The following HECW1 variants were observed in gnomAD, a reference collection of about 807,000 sequenced individuals.
The protein encoded by HECW1 is E3 ubiquitin-protein ligase HECW1.
A neutral mutation model predicts 182.3 loss-of-function variants in HECW1; 61 were observed. That is an observed-to-expected ratio of 0.33 (90% CI 0.27 to 0.41). HECW1 has a LOEUF of 0.41. Ranked by LOEUF, HECW1 falls within the 10% of genes least tolerant of loss-of-function variation. HECW1 has a pLI of 1.00. For missense variants in HECW1, 1,739 were observed against 2,108.9 expected (o/e 0.82, Z 3.44); for synonymous variants, 859 against 832.6 (o/e 1.03, Z -0.55).
At chr7:43,502,508 T>C (rs2079406124) in intron 21 of HECW1, among the ~76,000 whole-genome samples, 2 of 152,030 alleles carry the variant, frequency 1.3e-5, no homozygotes, top group Non-Finnish European at 2.9e-5. Flanking sequence ...AAAAATTTTT[T>C]TTAATTAGCC....
rs185139458 is a variant in HECW1, at chr7:43,555,221, G to A, written c.4709+431G>A. Among the ~76,000 whole-genome samples, 7 of 152,238 alleles carry A rather than the reference G, an allele frequency of 4.6e-5. No individual in the cohort carries two copies. The East Asian group carries it at 7.7e-4, about 17-fold the overall frequency. The stretch of plus-strand genomic sequence containing the variant: ...GATCATTATATATTTGTGGTGTGTC[G>A]GATTTTTCCTATCAAGTTTTAGAAC... On this transcript the variant is annotated intron_variant, in intron 29 of 29. Transcript: ENST00000395891.
intron 2 of HECW1, among the ~76,000 whole-genome samples, chr7:43,179,138 C>G (rs185070283): frequency 6.6e-6 from 1 of 152,336 alleles, no homozygotes; most frequent in Admixed American, 6.5e-5. Flanking sequence ...GTTGTTGACA[C>G]TCAAAAGGCA....
chr7:43,289,610 T>G (rs908132042), intron 3 of HECW1, among the ~76,000 whole-genome samples: 1 of 152,236 alleles, frequency 6.6e-6, no homozygotes, highest in Non-Finnish European at 1.5e-5. Flanking sequence ...ATCAGGCATA[T>G]GCCCATTGGC....
At chr7:43,205,185 G>A (rs1312276143) in intron 2 of HECW1, among the ~76,000 whole-genome samples, 2 of 151,942 alleles carry the variant, frequency 1.3e-5, no homozygotes, top group Non-Finnish European at 2.9e-5. Context: ...TTGGGTTCAA[G>A]AGATTCTCTT....
Position 43,445,235 on chromosome 7 carries a change from A to G in HECW1, c.2063A>G (p.Tyr688Cys). 1 of 1,613,206 alleles carries G rather than the reference A, an allele frequency of 6.2e-7. No individual in the cohort carries two copies. Among genetic ancestry groups the G allele is most frequent in the South Asian group, 1.1e-5 (1 of 91,052 alleles). ...CSPSCYSSSC[Y>C]STSCYSSSCY... Reference sequence around the variant, plus strand: ...CCCTCGTGCTACAGCTCCTCGTGCTACAGCACGTCCTGCTACAGCAGCTCG... The same window carrying G: ...CCCTCGTGCTACAGCTCCTCGTGCTGCAGCACGTCCTGCTACAGCAGCTCG... The change falls in exon 11 of 30, where the codon TAC becomes TGC. Residue 688 changes from tyrosine to cysteine, a missense_variant. Physicochemically the swap from Tyr to Cys is radical, Grantham distance 194. Coordinates refer to ENST00000395891, the MANE Select transcript of HECW1 (RefSeq NM_015052.5).
chr7:43,335,759 TTC>T (rs1812052905), intron 5 of HECW1, among the ~76,000 whole-genome samples: 3 of 143,094 alleles, frequency 2.1e-5, no homozygotes, highest in Non-Finnish European at 3.0e-5. Context: ...CTCTCTTTCT[TTC>T]TTTCTTTTTT....
chr7:43,244,929 G>A (rs774590372), intron 3 of HECW1, among the ~76,000 whole-genome samples: 3 of 152,220 alleles, frequency 2.0e-5, no homozygotes, highest in Admixed American at 6.5e-5. Flanking sequence ...CTTGGTACGC[G>A]TCAGCGGGCG....
chr7:43,417,434 G>C (rs940174930), intron 8 of HECW1, among the ~76,000 whole-genome samples: 1 of 152,082 alleles, frequency 6.6e-6, no homozygotes, highest in Non-Finnish European at 1.5e-5. Context: ...TTTCTAGAGT[G>C]GGCCTGGTGA....
intron 16 of HECW1, among the ~76,000 whole-genome samples, chr7:43,471,739 G>A (rs2078033728): frequency 6.6e-6 from 1 of 152,156 alleles, no homozygotes; most frequent in African/African-American, 2.4e-5. Context: ...AGGGTGATGG[G>A]CCCCATGGGT....
intron 5 of HECW1, among the ~76,000 whole-genome samples, chr7:43,334,514 C>G (rs141363464): frequency 2.0e-5 from 3 of 152,306 alleles, no homozygotes; most frequent in African/African-American, 7.2e-5. Context: ...CAACCCTTAT[C>G]CGTTGCAGCA....
chr7:43,315,832 T>C (rs567160582), intron 4 of HECW1, among the ~76,000 whole-genome samples: 1 of 152,274 alleles, frequency 6.6e-6, no homozygotes, highest in East Asian at 1.9e-4. Context: ...CCAGCCACAG[T>C]GGGAGAATCC....
At chr7:43,341,513 A>G (rs962346528) in intron 5 of HECW1, among the ~76,000 whole-genome samples, 6 of 151,720 alleles carry the variant, frequency 4.0e-5, no homozygotes, top group Non-Finnish European at 5.9e-5. Context: ...ATTACTTCAA[A>G]AAGAAGTTGC....
chr7:43,128,035 C>T (rs1301411241), intron 2 of HECW1, among the ~76,000 whole-genome samples: 4 of 152,104 alleles, frequency 2.6e-5, no homozygotes, highest in African/African-American at 4.8e-5. Context: ...CGCACCACCA[C>T]ATTGGGCTAA....
intron 24 of HECW1, among the ~76,000 whole-genome samples, chr7:43,539,375 A>T (rs1207263878): frequency 1.3e-5 from 2 of 152,226 alleles, no homozygotes; most frequent in African/African-American, 4.8e-5. Context: ...GTCTTTAAAA[A>T]TATGTATATC....
chr7:43,197,459 G>A (rs1425138845), intron 2 of HECW1, among the ~76,000 whole-genome samples: 1 of 152,224 alleles, frequency 6.6e-6, no homozygotes, highest in African/African-American at 2.4e-5. Flanking sequence ...TGCGTCCTGG[G>A]TGGACAGATG....
chr7:43,350,112 T>A (rs896140974), intron 5 of HECW1, among the ~76,000 whole-genome samples: 1 of 152,190 alleles, frequency 6.6e-6, no homozygotes, highest in Non-Finnish European at 1.5e-5. Context: ...TATCTTTCCT[T>A]CATATATGAT....
chr7:43,555,607 AC>A (rs1157604230), intron 29 of HECW1, among the ~76,000 whole-genome samples: 1 of 152,204 alleles, frequency 6.6e-6, no homozygotes, highest in Non-Finnish European at 1.5e-5. Context: ...CCACCCAAAT[AC>A]CTTTGCTAAA....
At chr7:43,389,788 G>A (rs1244514414) in intron 6 of HECW1, among the ~76,000 whole-genome samples, 1 of 152,052 alleles carries the variant, frequency 6.6e-6, no homozygotes, top group African/African-American at 2.4e-5. Flanking sequence ...CTACAGGTGT[G>A]CACCACCATG....
intron 2 of HECW1, among the ~76,000 whole-genome samples, chr7:43,125,870 T>A (rs1221503897): frequency 6.6e-6 from 1 of 151,082 alleles, no homozygotes; most frequent in East Asian, 2.0e-4. Context: ...GGATGGAGGC[T>A]GGTCCTGTCC....
Sources: gnomAD v4.1 joint callset for allele counts (sites outside exome capture counted in the v4.1 genomes callset) on GRCh38, gnomAD v4.1.1 for gene constraint, MANE v1.5 for transcripts, NCBI Gene and HGNC (gene_info 2026-07-23, HGNC 2026-07-21) for gene names.